PTPRB: variants seen among roughly 807,000 people sequenced by gnomAD.
The protein encoded by PTPRB is protein tyrosine phosphatase receptor type B, also known as receptor-type tyrosine-protein phosphatase beta.
In PTPRB, 97 loss-of-function variants were observed where a neutral mutation model predicts 238.1. The observed-to-expected ratio is 0.41, with a 90% CI of 0.35 to 0.48. The LOEUF (loss-of-function observed/expected upper bound fraction) is 0.48, where lower values mean the gene tolerates loss of function less well. PTPRB is among the 20% of genes least tolerant of loss of function. The pLI is 0.30. For synonymous variants in PTPRB, 970 were observed against 995.4 expected (o/e 0.97, Z 0.48); for missense variants, 2,292 against 2,681.9 (o/e 0.85, Z 3.21).
chr12:70,598,674 T>G (rs541999862), intron 4 of PTPRB, among the ~76,000 whole-genome samples: 1 of 152,318 alleles, frequency 6.6e-6, no homozygotes, highest in East Asian at 1.9e-4. Context: ...TTTGCTGAAG[T>G]GGCATTTTAA....
chr12:70,595,323 T>G (rs190109912), intron 5 of PTPRB, among the ~76,000 whole-genome samples: 4 of 152,116 alleles, frequency 2.6e-5, no homozygotes, highest in Admixed American at 2.0e-4. Context: ...AAGGAAGGGA[T>G]AGCATTAGGA....
chr12:70,635,231 G>A (rs1885628649), intron 2 of PTPRB, among the ~76,000 whole-genome samples: 3 of 152,156 alleles, frequency 2.0e-5, no homozygotes. Flanking sequence ...GCACCATTCT[G>A]ATGTTCTAAT....
intron 5 of PTPRB, 147 bp downstream of exon 5, chr12:70,595,902 T>C: frequency 2.6e-6 from 2 of 763,192 alleles, no homozygotes; most frequent in Admixed American, 6.7e-5. Flanking sequence ...CTGTCCACTG[T>C]ATCCCACAAG....
chr12:70,614,572 A>C (rs570843846), intron 3 of PTPRB, among the ~76,000 whole-genome samples: 4 of 152,192 alleles, frequency 2.6e-5, no homozygotes, highest in Admixed American at 6.5e-5. Flanking sequence ...AACAAACAAA[A>C]AAAATTAACT....
intron 14 of PTPRB, among the ~76,000 whole-genome samples, chr12:70,567,455 C>A (rs1879452195): frequency 6.6e-6 from 1 of 152,156 alleles, no homozygotes; most frequent in South Asian, 2.1e-4. Context: ...TTGTTTCTAT[C>A]TCTTGGTTCA....
rs2136237485 is a variant in PTPRB, at chr12:70,536,083, A to G, written c.6023T>C (p.Val2008Ala). ...GATGTTGTGAACGTTTTGTTCCCAC[A>G]CCATTTTCCAGAAGTCATCCTTGGT... The part of the protein sequence containing the change: ...PGTKDDFWKM[V>A]WEQNVHNIVM... Residue 2008 changes from valine (V) to alanine (A), a missense_variant, in exon 29 of 34, where the codon GTG becomes GCG. Val to Ala is a moderately conservative substitution (Grantham distance 64, BLOSUM62 0). Transcript: ENST00000334414. 2 of 1,613,890 alleles carry G rather than the reference A, an allele frequency of 1.2e-6. No homozygotes were observed. The highest frequency in any genetic ancestry group is 1.7e-6 in the Non-Finnish European group (2 of 1,179,822).
intron 3 of PTPRB, among the ~76,000 whole-genome samples, chr12:70,617,699 T>C (rs1379030999): frequency 2.0e-5 from 3 of 152,206 alleles, no homozygotes; most frequent in African/African-American, 4.8e-5. Context: ...GTTTTCTGCA[T>C]TTGCCTCCTC....
chr12:70,576,494 CT>C lies in PTPRB; in HGVS notation c.2729del (p.Lys910SerfsTer19), dbSNP rs1880711652. On this transcript the variant is annotated frameshift_variant, in exon 11 of 34. Transcript: ENST00000334414. LOFTEE classifies it high-confidence loss of function. ...GKVVQSLVIA[K>X]SVRECSFSSL... ...AGCTGAAGGAACATTCTCTGACAGA[CT>C]TGGCAATGACAAGGGACTGAACCAC... 6.3e-7 allele frequency: 1 copy of C among 1,581,926 alleles called. No individual in the cohort carries two copies. Among genetic ancestry groups the C allele is most frequent in the African/African-American group, 1.3e-5 (1 of 74,442 alleles).
chr12:70,610,316 C>A (rs995806922), intron 3 of PTPRB, among the ~76,000 whole-genome samples: 1 of 152,138 alleles, frequency 6.6e-6, no homozygotes, highest in African/African-American at 2.4e-5. Context: ...CTCCCTTTTC[C>A]CCAGTCTGTG....
At chr12:70,611,527 T>C (rs1390186989) in intron 3 of PTPRB, among the ~76,000 whole-genome samples, 1 of 152,128 alleles carries the variant, frequency 6.6e-6, no homozygotes, top group African/African-American at 2.4e-5. Flanking sequence ...CTTGAACTCC[T>C]GACCTCAAGT....
At chr12:70,609,633 A>T in intron 3 of PTPRB, 2 of 1,021,346 alleles carry the variant, frequency 2.0e-6, no homozygotes, top group Non-Finnish European at 2.9e-6. Context: ...ATTCTTCCCA[A>T]GGCAGAAGAA....
Position 70,536,066 on chromosome 12 carries a change from G to A in PTPRB, c.6040C>T (p.His2014Tyr). The change falls in exon 29 of 34, where the codon CAC becomes TAC. Residue 2014 changes from histidine to tyrosine, a missense_variant. Coordinates refer to ENST00000334414, the MANE Select transcript of PTPRB (RefSeq NM_001109754.4). ...CACTGGGTCACCATGACGATGTTGT[G>A]AACGTTTTGTTCCCACACCATTTTC... ...FWKMVWEQNVHNIVMVTQCVE... is the reference protein window; with the variant it reads ...FWKMVWEQNVYNIVMVTQCVE... 1 of 1,613,836 alleles carries A rather than the reference G, an allele frequency of 6.2e-7. No homozygotes were observed. The highest frequency in any genetic ancestry group is 8.5e-7 in the Non-Finnish European group (1 of 1,179,802).
At position 70,556,015 on chromosome 12, in the gene PTPRB, C is replaced by T. The variant is rs771467540; in HGVS notation, c.4848G>A (p.Glu1616=). 6.2e-7 allele frequency: 1 copy of T among 1,613,954 alleles called. No individual in the cohort carries two copies. Among genetic ancestry groups the T allele is most frequent in the South Asian group, 1.1e-5 (1 of 91,080 alleles). Residue 1616 remains glutamate (E), a synonymous_variant, in exon 19 of 34, where the codon GAG becomes GAA. Coordinates refer to ENST00000334414, the MANE Select transcript of PTPRB (RefSeq NM_001109754.4). ...ECRKMDTQEV[E]FSRKLEKEKS... ...TTTCTTTCTCCAGCTTTCTGGAAAACTCAACTTCTTGGGTGTCCATTTTCC... is the reference window on the plus strand; with the variant it reads ...TTTCTTTCTCCAGCTTTCTGGAAAATTCAACTTCTTGGGTGTCCATTTTCC...
At chr12:70,575,834 C>G (rs572951539) in intron 11 of PTPRB, among the ~76,000 whole-genome samples, 5 of 152,256 alleles carry the variant, frequency 3.3e-5, no homozygotes, top group Admixed American at 6.5e-5. Context: ...TCCCTAGTCC[C>G]AGAACCATAA....
intron 3 of PTPRB, among the ~76,000 whole-genome samples, chr12:70,613,135 C>T (rs1884533628): frequency 6.6e-6 from 1 of 151,958 alleles, no homozygotes; most frequent in Non-Finnish European, 1.5e-5. Flanking sequence ...TTGAACTGGA[C>T]ATGGGGATGA....
chr12:70,536,276 A>T, intron 28 of PTPRB, 117 bp from the exon 29 acceptor site: 1 of 1,203,276 alleles, frequency 8.3e-7, no homozygotes, highest in Non-Finnish European at 1.2e-6. Flanking sequence ...GACTTCAGAA[A>T]AAGATACTAA....
chr12:70,631,870 C>T (rs2136609028), intron 2 of PTPRB, among the ~76,000 whole-genome samples: 1 of 152,274 alleles, frequency 6.6e-6, no homozygotes, highest in South Asian at 2.1e-4. Flanking sequence ...CAAATCAAAA[C>T]CACAATGAGA....
chr12:70,571,895 C>T lies in PTPRB; in HGVS notation c.3035G>A (p.Arg1012Gln), dbSNP rs374809778. Residue 1012 changes from arginine to glutamine, a missense_variant, in exon 12 of 34, where the codon CGG (arginine) becomes CAG (glutamine). Arg to Gln is a conservative substitution (Grantham distance 43). Transcript: ENST00000334414. ...ECVFVQLVPG[R>Q]LYSVTVTTKS... The stretch of plus-strand genomic sequence containing the variant: ...TGTAGTAACAGTGACACTGTACAAC[C>T]GTCCAGGGACTAGCTGAACAAATAC... 2.2e-5 allele frequency: 36 copies of T among 1,613,552 alleles called. No individual in the cohort carries two copies. The highest frequency in any genetic ancestry group is 4.4e-5 in the South Asian group (4 of 91,068).
intron 15 of PTPRB, among the ~76,000 whole-genome samples, 168 bp from the exon 16 acceptor site, chr12:70,563,275 A>G (rs1298469691): frequency 6.6e-6 from 1 of 152,208 alleles, no homozygotes; most frequent in Non-Finnish European, 1.5e-5. Flanking sequence ...TTCATGTTAG[A>G]ATTTTGCAAA....
Sources: allele counts gnomAD v4.1 joint callset (sites outside exome capture counted in the v4.1 genomes callset), GRCh38; gene constraint gnomAD v4.1.1; transcripts MANE v1.5; gene names NCBI Gene and HGNC (gene_info 2026-07-23, HGNC 2026-07-21).